The following FOXN3 variants were observed in gnomAD, a reference collection of about 807,000 sequenced individuals.
FOXN3 encodes the protein forkhead box N3.
In FOXN3, 7 loss-of-function variants were observed where a neutral mutation model predicts 38.4. The observed-to-expected ratio is 0.18, with a 90% CI of 0.10 to 0.34. The LOEUF (loss-of-function observed/expected upper bound fraction) is 0.34, where lower values mean the gene tolerates loss of function less well. Ranked by LOEUF, FOXN3 falls within the 10% of genes least tolerant of loss-of-function variation. FOXN3 has a pLI of 1.00. For missense variants in FOXN3, 456 were observed against 613.4 expected, an observed-to-expected ratio of 0.74 and a Z score of 2.71; for synonymous variants, 230 against 242.2, an observed-to-expected ratio of 0.95 and a Z score of 0.47.
At chr14:89,519,110 C>A (rs1894268838) in intron 1 of FOXN3, among the ~76,000 whole-genome samples, 1 of 151,934 alleles carries the variant, frequency 6.6e-6, no homozygotes, top group African/African-American at 2.4e-5. Flanking sequence ...CCAGGCCAGG[C>A]TGGAGGAAAT....
chr14:89,540,544 C>G (rs1451841018), intron 1 of FOXN3, among the ~76,000 whole-genome samples: 1 of 152,052 alleles, frequency 6.6e-6, no homozygotes, highest in East Asian at 1.9e-4. Flanking sequence ...ACCACCCTGG[C>G]CAACATAGTG....
intron 4 of FOXN3, among the ~76,000 whole-genome samples, chr14:89,189,591 C>T (rs1314167888): frequency 6.6e-6 from 1 of 152,216 alleles, no homozygotes; most frequent in Non-Finnish European, 1.5e-5. Flanking sequence ...GATGTGGGCA[C>T]TGGTACTGAC....
intron 1 of FOXN3, among the ~76,000 whole-genome samples, chr14:89,416,297 T>C (rs913578084): frequency 1.3e-5 from 2 of 152,226 alleles, no homozygotes; most frequent in African/African-American, 4.8e-5. Context: ...GGAGCTCGCA[T>C]ACCTTCACTG....
chr14:89,467,733 C>T (rs1290982096), intron 1 of FOXN3, among the ~76,000 whole-genome samples: 4 of 148,026 alleles, frequency 2.7e-5, no homozygotes, highest in African/African-American at 7.4e-5. Context: ...ATAGCTGAGA[C>T]TATAGGTAAG....
At chr14:89,327,133 T>C (rs1888107360) in intron 3 of FOXN3, among the ~76,000 whole-genome samples, 1 of 152,148 alleles carries the variant, frequency 6.6e-6, no homozygotes, top group Admixed American at 6.5e-5. Flanking sequence ...AAGTATCATC[T>C]AGGTGGTCCG....
upstream of FOXN3, chr14:89,419,166 C>T (rs1480652792): frequency 1.1e-5 from 5 of 455,910 alleles, no homozygotes; most frequent in Non-Finnish European, 2.2e-5. Flanking sequence ...ACAGTTGCAG[C>T]AAGAGATGTG....
chr14:89,371,394 A>C (rs1402615334), intron 2 of FOXN3, among the ~76,000 whole-genome samples: 1 of 152,100 alleles, frequency 6.6e-6, no homozygotes, highest in Non-Finnish European at 1.5e-5. Context: ...AATTAAAGAA[A>C]GATCCTTAGA....
chr14:89,195,771 CAG>C (rs777589026), intron 4 of FOXN3, among the ~76,000 whole-genome samples: 3 of 152,254 alleles, frequency 2.0e-5, no homozygotes, highest in South Asian at 2.1e-4. Context: ...TGAAGTGAGA[CAG>C]GGGGGTACGA....
At chr14:89,257,318 G>A (rs2139887096) in intron 4 of FOXN3, among the ~76,000 whole-genome samples, 1 of 152,324 alleles carries the variant, frequency 6.6e-6, no homozygotes, top group East Asian at 1.9e-4. Context: ...TGTCATAGAG[G>A]ACAGAAGTAA....
intron 2 of FOXN3, among the ~76,000 whole-genome samples, chr14:89,393,801 G>A (rs1197244856): frequency 6.6e-6 from 1 of 152,214 alleles, no homozygotes; most frequent in Non-Finnish European, 1.5e-5. Context: ...CAGTTACAGA[G>A]GGGCAAAAGT....
At chr14:89,469,913 C>T (rs1480906077) in intron 1 of FOXN3, among the ~76,000 whole-genome samples, 1 of 152,216 alleles carries the variant, frequency 6.6e-6, no homozygotes. Flanking sequence ...TTGGTCGCCA[C>T]GGGCTTCCAC....
intron 5 of FOXN3, among the ~76,000 whole-genome samples, chr14:89,166,150 G>A (rs2139778075): frequency 6.6e-6 from 1 of 152,236 alleles, no homozygotes; most frequent in East Asian, 1.9e-4. Context: ...AAGTTTTAGG[G>A]AGGGGGAGAA....
At chr14:89,489,010 T>C (rs962879129) in intron 1 of FOXN3, among the ~76,000 whole-genome samples, 1 of 152,270 alleles carries the variant, frequency 6.6e-6, no homozygotes, top group South Asian at 2.1e-4. Flanking sequence ...TGGACATAAA[T>C]AGAAGGTTTT....
chr14:89,533,105 T>C (rs539014579), intron 1 of FOXN3, among the ~76,000 whole-genome samples: 3 of 152,318 alleles, frequency 2.0e-5, no homozygotes, highest in African/African-American at 7.2e-5. Flanking sequence ...CAGTTGAGAA[T>C]GTAAATAGGC....
Position 89,164,162 on chromosome 14 carries a change from CT to C in FOXN3, c.852-1194del, listed in dbSNP as rs1887179158. Among the ~76,000 whole-genome samples the C allele has an allele frequency of 2.6e-5, 4 of 152,344 alleles. No individual in the cohort carries two copies. The highest frequency in any genetic ancestry group is 2.6e-4 in the Admixed American group (4 of 15,310). On this transcript the variant is annotated intron_variant, in intron 5 of 5. Coordinates refer to ENST00000557258, the MANE Select transcript of FOXN3 (RefSeq NM_005197.4). This position sits in a 1 kb window ranked among gnomAD's most constrained non-coding sequence, Gnocchi z 4.3. ...TTATTCCTGGTTAGGACCCATGCTCCTTATGTCTGGGAGGCAGCTGCCTGTC... is the reference window on the plus strand; with the variant it reads ...TTATTCCTGGTTAGGACCCATGCTCCTATGTCTGGGAGGCAGCTGCCTGTC...
intron 4 of FOXN3, among the ~76,000 whole-genome samples, chr14:89,226,132 G>A (rs1423255871): frequency 6.9e-6 from 1 of 144,058 alleles, no homozygotes; most frequent in African/African-American, 2.6e-5. Context: ...GGGAGGGGAA[G>A]GAAATCTAGT....
At chr14:89,186,740 C>A (rs1057060876) in intron 4 of FOXN3, among the ~76,000 whole-genome samples, 1 of 152,160 alleles carries the variant, frequency 6.6e-6, no homozygotes, top group Admixed American at 6.5e-5. Flanking sequence ...ACATGCACAG[C>A]GGATGCTGCC....
At chr14:89,614,723 T>G (rs1050929124) in intron 1 of FOXN3, among the ~76,000 whole-genome samples, 1 of 152,208 alleles carries the variant, frequency 6.6e-6, no homozygotes, top group African/African-American at 2.4e-5. Context: ...GGGCTCCTAG[T>G]TCCCTCAGAG....
intron 5 of FOXN3, among the ~76,000 whole-genome samples, chr14:89,166,220 G>A (rs1887237418): frequency 6.6e-6 from 1 of 152,294 alleles, no homozygotes; most frequent in South Asian, 2.1e-4. Context: ...TAAGAGGAAT[G>A]GTTTCGAGCC....
Sources: allele counts gnomAD v4.1 joint callset (sites outside exome capture counted in the v4.1 genomes callset), GRCh38; gene constraint gnomAD v4.1.1; non-coding constraint Gnocchi (gnomAD v3.1); transcripts MANE v1.5; gene names NCBI Gene and HGNC (gene_info 2026-07-23, HGNC 2026-07-21).